Variants in ADAM22 observed in about 807,000 individuals in gnomAD.
ADAM22 encodes ADAM metallopeptidase domain 22.
ADAM22 carries 65 observed loss-of-function variants against 144.6 expected under a neutral mutation model. The ratio of observed to expected loss-of-function variants is 0.45; its 90% CI spans 0.37 to 0.55. The LOEUF is 0.55. Ranked by LOEUF, ADAM22 falls within the 20% of genes least tolerant of loss-of-function variation. The pLI is 0.00. For synonymous variants in ADAM22, 391 were observed against 412.6 expected (o/e 0.95, Z 0.63); for missense variants, 974 against 1,184.9 (o/e 0.82, Z 2.61).
chr7:88,147,014 T>A (rs150998409), intron 17 of ADAM22, among the ~76,000 whole-genome samples: 3 of 152,260 alleles, frequency 2.0e-5, no homozygotes, highest in African/African-American at 7.2e-5. Context: ...TAATCCTCAA[T>A]GTTTTAAGTC....
chr7:87,944,003 C>T (rs1205840527), intron 2 of ADAM22, among the ~76,000 whole-genome samples: 1 of 152,164 alleles, frequency 6.6e-6, no homozygotes, highest in Non-Finnish European at 1.5e-5. Flanking sequence ...TGAGAGCTCA[C>T]ATTTTGCAAG....
At chr7:88,162,515 G>T (rs936407625) in intron 22 of ADAM22, among the ~76,000 whole-genome samples, 4 of 152,050 alleles carry the variant, frequency 2.6e-5, no homozygotes, top group African/African-American at 7.2e-5. Flanking sequence ...GACTTTTATA[G>T]TAGCATTGAC....
chr7:87,949,964 A>C (rs1844640669), intron 2 of ADAM22, among the ~76,000 whole-genome samples: 1 of 151,428 alleles, frequency 6.6e-6, no homozygotes, highest in Admixed American at 6.6e-5. Context: ...TTTATTTCTT[A>C]GGAGGTGGAT....
chr7:88,041,281 C>G (rs926430089), intron 3 of ADAM22, among the ~76,000 whole-genome samples: 1 of 151,942 alleles, frequency 6.6e-6, no homozygotes, highest in African/African-American at 2.4e-5. Context: ...TAGAATTCTA[C>G]TTACCACAGG....
intron 2 of ADAM22, among the ~76,000 whole-genome samples, chr7:87,966,857 T>C (rs1229225237): frequency 6.7e-6 from 1 of 150,124 alleles, no homozygotes; most frequent in Non-Finnish European, 1.5e-5. Context: ...AGAAATTGTT[T>C]ACATCAGTTG....
intron 4 of ADAM22, among the ~76,000 whole-genome samples, chr7:88,106,120 G>T (rs971622981): frequency 1.3e-5 from 2 of 152,130 alleles, no homozygotes; most frequent in African/African-American, 4.8e-5. Flanking sequence ...TGAAGTCAGT[G>T]CCCCATGTTC....
At chr7:88,054,656 T>C (rs1339593915) in intron 3 of ADAM22, among the ~76,000 whole-genome samples, 1 of 144,770 alleles carries the variant, frequency 6.9e-6, no homozygotes, top group Non-Finnish European at 1.5e-5. Context: ...CATGGTCGGT[T>C]TCCCCTGCAC....
intron 4 of ADAM22, among the ~76,000 whole-genome samples, chr7:88,106,565 C>T (rs183422319): frequency 1.3e-5 from 2 of 152,276 alleles, no homozygotes; most frequent in Admixed American, 6.5e-5. Flanking sequence ...GCCTTTAAAC[C>T]ACCCATCCTA....
At chr7:88,170,859 G>A (rs1325454654) in intron 25 of ADAM22, among the ~76,000 whole-genome samples, 1 of 151,828 alleles carries the variant, frequency 6.6e-6, no homozygotes, top group African/African-American at 2.4e-5. Flanking sequence ...ACCACACCCT[G>A]TAGAGCAATT....
intron 4 of ADAM22, among the ~76,000 whole-genome samples, chr7:88,083,608 T>A (rs1817575028): frequency 6.6e-6 from 1 of 150,926 alleles, no homozygotes; most frequent in Admixed American, 6.6e-5. Context: ...TGTGTGTGTG[T>A]GTGTGTGTGT....
intron 2 of ADAM22, among the ~76,000 whole-genome samples, chr7:87,947,336 C>T (rs956041527): frequency 1.3e-5 from 2 of 151,488 alleles, no homozygotes; most frequent in East Asian, 3.9e-4. Context: ...GAATTATTTC[C>T]TCGTGAAAGT....
intron 3 of ADAM22, among the ~76,000 whole-genome samples, chr7:88,053,303 TA>T (rs112765207): frequency 1.6e-3 from 228 of 143,130 alleles, no homozygotes; most frequent in East Asian, 2.4e-3. Context: ...CCCTCTCCGC[TA>T]AAAAAAAAAA....
Position 88,143,016 on chromosome 7 carries a change from T to C in ADAM22, c.1221-10T>C. On this transcript the variant is annotated splice_polypyrimidine_tract_variant and intron_variant, in intron 14 of 31. Transcript: ENST00000413139. Reference sequence around the variant, plus strand: ...TTGAACCCAGCTATTGCTTTTCTTCTCTTTTATAGCTATTATCTTCCTAAA... The same window carrying C: ...TTGAACCCAGCTATTGCTTTTCTTCCCTTTTATAGCTATTATCTTCCTAAA... 1 of 1,556,372 alleles carries C rather than the reference T, an allele frequency of 6.4e-7. No individual in the cohort carries two copies. The highest frequency in any genetic ancestry group is 8.8e-7 in the Non-Finnish European group (1 of 1,134,026).
At chr7:88,018,334 C>T (rs1797006157) in intron 3 of ADAM22, among the ~76,000 whole-genome samples, 1 of 151,924 alleles carries the variant, frequency 6.6e-6, no homozygotes, top group Non-Finnish European at 1.5e-5. Context: ...TTTTTTTCTT[C>T]CTTAAAACTT....
At chr7:87,991,315 T>TA (rs1005233932) in intron 3 of ADAM22, among the ~76,000 whole-genome samples, 1 of 151,762 alleles carries the variant, frequency 6.6e-6, no homozygotes, top group African/African-American at 2.4e-5. Context: ...CTTATTATAT[T>TA]AAAAAATGCC....
At chr7:88,188,246 A>G (rs1848789511) in intron 30 of ADAM22, among the ~76,000 whole-genome samples, 3 of 152,084 alleles carry the variant, frequency 2.0e-5, no homozygotes, top group Admixed American at 6.6e-5. Context: ...AATTTGTGAA[A>G]TGGTACCCCG....
chr7:88,021,660 C>G (rs1797857369), intron 3 of ADAM22, among the ~76,000 whole-genome samples: 1 of 152,144 alleles, frequency 6.6e-6, no homozygotes, highest in African/African-American at 2.4e-5. Context: ...TTCTAAAGCA[C>G]AGTTTCCAGA....
At chr7:88,176,254 T>G (rs1845641361) in intron 26 of ADAM22, among the ~76,000 whole-genome samples, 4 of 152,192 alleles carry the variant, frequency 2.6e-5, no homozygotes, top group African/African-American at 9.6e-5. Flanking sequence ...TCTTAAGAGA[T>G]CTTTAACGAA....
intron 2 of ADAM22, among the ~76,000 whole-genome samples, chr7:87,958,248 A>G (rs1847239779): frequency 6.6e-6 from 1 of 152,124 alleles, no homozygotes; most frequent in Non-Finnish European, 1.5e-5. Flanking sequence ...TACACTGTCA[A>G]TTTCCCTGTA....
Sources: gnomAD v4.1 joint callset for allele counts (sites outside exome capture counted in the v4.1 genomes callset) on GRCh38, gnomAD v4.1.1 for gene constraint, MANE v1.5 for transcripts, NCBI Gene and HGNC (gene_info 2026-07-23, HGNC 2026-07-21) for gene names.